Variants in GMCL1 observed in about 807,000 individuals in gnomAD.
GMCL1 encodes germ cell-less protein-like 1.
Under a neutral mutation model 75.5 loss-of-function variants are expected in GMCL1, and 54 were observed. That is an observed-to-expected ratio of 0.71 (90% CI 0.57 to 0.90). The LOEUF is 0.90. Among genes scored for constraint, GMCL1 ranks in the 40% least tolerant of loss-of-function variants. The probability of loss-of-function intolerance (pLI) is 0.00; values close to 1 mark genes in which losing one functional copy is unlikely to be tolerated. For missense variants in GMCL1, 537 were observed against 622.7 expected, an observed-to-expected ratio of 0.86 and a Z score of 1.47; for synonymous variants, 210 against 209.6, an observed-to-expected ratio of 1.00 and a Z score of -0.02.
chr2:69,838,336 CAAA>C (rs71397366), intron 2 of GMCL1, among the ~76,000 whole-genome samples: 108 of 31,498 alleles, frequency 3.4e-3, no homozygotes, highest in Admixed American at 8.2e-3. Flanking sequence ...GACTCTGTCT[CAAA>C]AAAAAAAAAA....
chr2:69,843,625 C>T (rs1186622574), intron 5 of GMCL1, among the ~76,000 whole-genome samples: 1 of 152,034 alleles, frequency 6.6e-6, no homozygotes, highest in East Asian at 1.9e-4. Context: ...CCCATCTCTA[C>T]AAAAAATTTT....
chr2:69,844,251 T>C, intron 6 of GMCL1, 55 bp downstream of exon 6: 1 of 989,842 alleles, frequency 1.0e-6, no homozygotes, highest in South Asian at 1.5e-5. Flanking sequence ...TTGTTTATCA[T>C]TTGTTAAAGT....
chr2:69,858,246 C>T (rs1215980436), intron 9 of GMCL1, among the ~76,000 whole-genome samples: 1 of 152,156 alleles, frequency 6.6e-6, no homozygotes, highest in Non-Finnish European at 1.5e-5. Flanking sequence ...AACTTCTAGT[C>T]TTAAGCAATG....
intron 10 of GMCL1, 133 bp downstream of exon 10, chr2:69,861,480 TTTA>T: frequency 5.5e-6 from 3 of 542,060 alleles, no homozygotes; most frequent in Non-Finnish European, 9.9e-6. Context: ...ATAATCACTT[TTTA>T]TTATATTTTT....
At chr2:69,840,178 G>A (rs1674941765) in intron 3 of GMCL1, 1 of 152,268 alleles carries the variant, frequency 6.6e-6, no homozygotes, top group Admixed American at 6.5e-5. Flanking sequence ...GGAGGCCAAG[G>A]TGGGTGGATC....
At chr2:69,856,107 C>A (rs904350707) in intron 9 of GMCL1, among the ~76,000 whole-genome samples, 29 of 152,026 alleles carry the variant, frequency 1.9e-4, no homozygotes, top group African/African-American at 7.0e-4. Context: ...TCATTGTTAC[C>A]GTATCTTACA....
chr2:69,876,266 A>G (rs1676128896), intron 13 of GMCL1, among the ~76,000 whole-genome samples: 1 of 152,222 alleles, frequency 6.6e-6, no homozygotes, highest in Non-Finnish European at 1.5e-5. Flanking sequence ...TGAAGAGGAA[A>G]ATATTGATGG....
intron 1 of GMCL1, among the ~76,000 whole-genome samples, chr2:69,830,610 G>C (rs1017338868): frequency 3.3e-5 from 5 of 152,258 alleles, no homozygotes; most frequent in South Asian, 2.1e-4. Context: ...ATTGCACACA[G>C]GAGTTCTTGT....
At position 69,879,340 on chromosome 2, in the gene GMCL1, ATAGATT is replaced by A. The variant is rs1231385303; in HGVS notation, c.*339_*344del. On this transcript the variant is annotated 3_prime_UTR_variant, in exon 14 of 14. Transcript: ENST00000282570. ...ATCTCACATTTATCTGCAACAAAAT[ATAGATT>A]TAATTTTTAGCTTAAACTTTGTTTC... The A allele has an allele frequency of 6.2e-6, 1 of 162,360 alleles. No homozygotes were observed. Among genetic ancestry groups the A allele is most frequent in the Non-Finnish European group, 1.3e-5 (1 of 74,800 alleles). 10.1% of individuals were successfully genotyped at this position (162,360 alleles called of 1,614,324 possible). A position where few individuals can be genotyped will look rare whatever the true frequency, so the allele number is the denominator to read the frequency against.
intron 4 of GMCL1, 37 bp downstream of exon 4, chr2:69,841,076 A>G (rs1674971463): frequency 6.8e-7 from 1 of 1,463,146 alleles, no homozygotes; most frequent in Non-Finnish European, 9.6e-7. Context: ...GGTTCAGAAT[A>G]ATAATCTTTG....
chr2:69,845,564 T>A (rs1352496626), intron 6 of GMCL1, among the ~76,000 whole-genome samples: 3 of 152,230 alleles, frequency 2.0e-5, no homozygotes, highest in Non-Finnish European at 2.9e-5. Context: ...CACATACCAC[T>A]GCACCCAGCT....
At chr2:69,866,952 C>CTT (rs141240208) in intron 11 of GMCL1, among the ~76,000 whole-genome samples, 6 of 146,836 alleles carry the variant, frequency 4.1e-5, no homozygotes, top group South Asian at 2.2e-4. Flanking sequence ...TCTTTTCTTT[C>CTT]TTTTTTTTTT....
rs749157152 is a variant in GMCL1 at position 69,829,878 on chromosome 2, G to A, written c.-15G>A. 3 of 1,569,776 alleles carry A rather than the reference G, an allele frequency of 1.9e-6. No individual in the cohort carries two copies. The East Asian group carries it at 6.8e-5, about 36-fold the overall frequency. On this transcript the variant is annotated 5_prime_UTR_variant, in exon 1 of 14. Transcript: ENST00000282570. ...CCTTCTCTGGGCTCCCTGAAGTCTCGGGGAGCCGTGACCCATGGGATCGTT... is the reference window on the plus strand; with the variant it reads ...CCTTCTCTGGGCTCCCTGAAGTCTCAGGGAGCCGTGACCCATGGGATCGTT...
chr2:69,854,685 A>T (rs896656274), intron 8 of GMCL1, 138 bp from the exon 9 acceptor site: 1 of 656,116 alleles, frequency 1.5e-6, no homozygotes, highest in Non-Finnish European at 2.6e-6. Context: ...CCTAAGGTTT[A>T]TAAAATTCTT....
At chr2:69,856,547 G>T (rs1025619788) in intron 9 of GMCL1, among the ~76,000 whole-genome samples, 1 of 150,870 alleles carries the variant, frequency 6.6e-6, no homozygotes, top group Non-Finnish European at 1.5e-5. Flanking sequence ...CCTCCACTTG[G>T]ATACCTCTGA....
In GMCL1 at chr2:69,841,058, C is replaced by G; in HGVS notation, c.579+19C>G. On this transcript the variant is annotated intron_variant, in intron 4 of 13. Coordinates refer to ENST00000282570, the MANE Select transcript of GMCL1 (RefSeq NM_178439.5). The stretch of plus-strand genomic sequence containing the variant: ...GCAGTTGGTAAGTATGCACGTTATT[C>G]GAAGAAAGGTTCAGAATAATAATCT... The G allele has an allele frequency of 6.4e-7, 1 of 1,556,438 alleles. No homozygotes were observed. The highest frequency in any genetic ancestry group is 8.9e-7 in the Non-Finnish European group (1 of 1,128,648).
chr2:69,843,049 C>A, intron 4 of GMCL1, 100 bp from the exon 5 acceptor site: 5 of 350,802 alleles, frequency 1.4e-5, no homozygotes, highest in African/African-American at 2.9e-5. Context: ...TCTTTTCTTT[C>A]TTCTTTTTTT....
intron 11 of GMCL1, among the ~76,000 whole-genome samples, chr2:69,868,993 T>A (rs556797625): frequency 2.7e-5 from 4 of 150,230 alleles, no homozygotes; most frequent in East Asian, 2.0e-4. Flanking sequence ...GGCTTACACT[T>A]TGTAGTCCCA....
chr2:69,844,934 G>A (rs1675092634), intron 6 of GMCL1: 2 of 236,352 alleles, frequency 8.5e-6, no homozygotes, highest in East Asian at 2.4e-4. Flanking sequence ...CACAGGCCAT[G>A]GTTTTAGACA....
Sources: gnomAD v4.1 joint callset for allele counts (sites outside exome capture counted in the v4.1 genomes callset) on GRCh38, gnomAD v4.1.1 for gene constraint, MANE v1.5 for transcripts, NCBI Gene and HGNC (gene_info 2026-07-23, HGNC 2026-07-21) for gene names.